Variants in KCTD16 observed in about 807,000 individuals in gnomAD.
The protein encoded by KCTD16 is potassium channel tetramerization domain containing 16.
A neutral mutation model predicts 33.2 loss-of-function variants in KCTD16; 13 were observed. The observed-to-expected ratio is 0.39, with a 90% confidence interval of 0.25 to 0.62. The LOEUF (loss-of-function observed/expected upper bound fraction) is 0.62. Among genes scored for constraint, KCTD16 ranks in the 20% least tolerant of loss-of-function variants. The pLI is 0.50. For synonymous variants in KCTD16, 197 were observed against 195.3 expected (o/e 1.01, Z -0.07); for missense variants, 441 against 525.1 (o/e 0.84, Z 1.57).
At chr5:144,191,792 C>CA (rs1426865163) in intron 2 of KCTD16, among the ~76,000 whole-genome samples, 10 of 150,898 alleles carry the variant, frequency 6.6e-5, no homozygotes, top group Non-Finnish European at 1.5e-4. Context: ...GTGTTTGCGG[C>CA]AGTGCTTCTG....
intron 3 of KCTD16, among the ~76,000 whole-genome samples, chr5:144,322,743 A>G (rs983655867): frequency 6.6e-6 from 1 of 150,876 alleles, no homozygotes; most frequent in Non-Finnish European, 1.5e-5. Flanking sequence ...AAAAAAAAAC[A>G]AAAACTTCTG....
intron 3 of KCTD16, among the ~76,000 whole-genome samples, chr5:144,462,684 C>G (rs927419029): frequency 6.6e-6 from 1 of 151,262 alleles, no homozygotes; most frequent in African/African-American, 2.4e-5. Flanking sequence ...ATTAAAAAAA[C>G]AAAAAACAGA....
chr5:144,304,280 G>C (rs1413641338), intron 3 of KCTD16, among the ~76,000 whole-genome samples: 1 of 152,198 alleles, frequency 6.6e-6, no homozygotes, highest in Admixed American at 6.5e-5. Flanking sequence ...AGGACAGTGT[G>C]ATCCTGAAGT....
intron 3 of KCTD16, among the ~76,000 whole-genome samples, chr5:144,288,209 T>C (rs1755800989): frequency 6.6e-6 from 1 of 152,184 alleles, no homozygotes; most frequent in Non-Finnish European, 1.5e-5. Context: ...GAATCTGGGC[T>C]TGGGGACAGA....
intron 3 of KCTD16, among the ~76,000 whole-genome samples, chr5:144,442,891 TTTG>T (rs993672751): frequency 7.2e-5 from 11 of 151,924 alleles, no homozygotes; most frequent in African/African-American, 2.7e-4. Flanking sequence ...GTCCCTGGTT[TTTG>T]TTGTTGTTGT....
At chr5:144,299,653 T>C (rs886683886) in intron 3 of KCTD16, among the ~76,000 whole-genome samples, 4 of 152,082 alleles carry the variant, frequency 2.6e-5, no homozygotes, top group African/African-American at 9.7e-5. Context: ...AGTGGCCTTA[T>C]TATTACTTTC....
intron 3 of KCTD16, among the ~76,000 whole-genome samples, chr5:144,237,268 A>G (rs1241755306): frequency 1.3e-5 from 2 of 152,052 alleles, no homozygotes; most frequent in African/African-American, 4.8e-5. Context: ...CTAGTTTCTC[A>G]TCCCATTAAA....
chr5:144,187,243 A>G (rs1432337619), intron 2 of KCTD16, among the ~76,000 whole-genome samples: 2 of 152,190 alleles, frequency 1.3e-5, no homozygotes, highest in Non-Finnish European at 2.9e-5. Flanking sequence ...CAATGACATA[A>G]TGCATTGTAC....
At chr5:144,380,824 T>C (rs1752197424) in intron 3 of KCTD16, among the ~76,000 whole-genome samples, 1 of 152,086 alleles carries the variant, frequency 6.6e-6, no homozygotes, top group African/African-American at 2.4e-5. Context: ...TCAAAATGGA[T>C]TAAAGACTTA....
At chr5:144,417,505 A>G (rs1753087799) in intron 3 of KCTD16, among the ~76,000 whole-genome samples, 1 of 152,176 alleles carries the variant, frequency 6.6e-6, no homozygotes, top group Non-Finnish European at 1.5e-5. Context: ...TACTTTATAC[A>G]TTCCAAAAAA....
At chr5:144,356,884 C>A (rs1018201930) in intron 3 of KCTD16, among the ~76,000 whole-genome samples, 1 of 151,814 alleles carries the variant, frequency 6.6e-6, no homozygotes, top group Non-Finnish European at 1.5e-5. Context: ...TCTTCATTTT[C>A]TTTTCTTTAT....
intron 3 of KCTD16, among the ~76,000 whole-genome samples, chr5:144,216,532 A>G (rs1308062135): frequency 6.6e-6 from 1 of 152,182 alleles, no homozygotes; most frequent in Non-Finnish European, 1.5e-5. Context: ...CTCATTGAAC[A>G]TAATTTGGTG....
In KCTD16 at chr5:144,178,942, G is replaced by A. The variant is rs978402482; in HGVS notation, c.-327+4470G>A. Among the ~76,000 whole-genome samples the A allele has an allele frequency of 3.9e-5, 6 of 152,122 alleles. No individual in the cohort carries two copies. The South Asian group carries it at 1.2e-3, about 32-fold the overall frequency. On this transcript the variant is annotated intron_variant, in intron 2 of 3. Transcript: ENST00000512467. ...GCTCTAAAGTTAACAAGAATAGACT[G>A]ATCTTCATAGAACAATCAGGACAGC...
intron 3 of KCTD16, among the ~76,000 whole-genome samples, chr5:144,316,592 A>G (rs1434375968): frequency 6.9e-6 from 1 of 144,584 alleles, no homozygotes; most frequent in Non-Finnish European, 1.5e-5. Flanking sequence ...CACTCACTGC[A>G]ACCTCCACCT....
At chr5:144,210,631 G>A (rs991955383) in intron 3 of KCTD16, among the ~76,000 whole-genome samples, 3 of 152,062 alleles carry the variant, frequency 2.0e-5, no homozygotes, top group African/African-American at 7.2e-5. Flanking sequence ...TGAGAACTAT[G>A]TAATCTGCAA....
intron 3 of KCTD16, among the ~76,000 whole-genome samples, chr5:144,435,828 T>TGTGA (rs200346811): frequency 1.9e-4 from 28 of 149,660 alleles, no homozygotes; most frequent in African/African-American, 7.1e-4. Flanking sequence ...CTTTCCTGTG[T>TGTGA]GTGTGTGTGT....
intron 3 of KCTD16, among the ~76,000 whole-genome samples, chr5:144,262,079 C>A (rs969810197): frequency 6.6e-6 from 1 of 152,084 alleles, no homozygotes; most frequent in Non-Finnish European, 1.5e-5. Context: ...GAAATAGATA[C>A]CTAGTGGTCA....
At chr5:144,397,598 T>C (rs1752603817) in intron 3 of KCTD16, among the ~76,000 whole-genome samples, 1 of 152,186 alleles carries the variant, frequency 6.6e-6, no homozygotes, top group African/African-American at 2.4e-5. Context: ...TGTTGTTTCC[T>C]GACTTTTTAA....
At chr5:144,189,570 A>G (rs1250373110) in intron 2 of KCTD16, among the ~76,000 whole-genome samples, 1 of 152,160 alleles carries the variant, frequency 6.6e-6, no homozygotes, top group East Asian at 1.9e-4. Flanking sequence ...ATTTCAGGGA[A>G]TTCATGAATT....
Sources: allele counts gnomAD v4.1 joint callset (sites outside exome capture counted in the v4.1 genomes callset), GRCh38; gene constraint gnomAD v4.1.1; transcripts MANE v1.5; gene names NCBI Gene and HGNC (gene_info 2026-07-23, HGNC 2026-07-21).